Variants in PIERCE1 observed in about 807,000 individuals in gnomAD.
PIERCE1 encodes piercer of microtubule wall 1, also known as piercer of microtubule wall 1 protein.
chr9:135,495,624 G>A, the PIERCE1 span: 8 of 1,604,284 alleles, frequency 5.0e-6, no homozygotes, highest in East Asian at 1.8e-4. Flanking sequence ...TTCTATAAGA[G>A]ATAAAGGAAC....
the PIERCE1 span, chr9:135,499,852 T>G: frequency 1.3e-6 from 2 of 1,573,130 alleles, no homozygotes; most frequent in Admixed American, 1.9e-5. Flanking sequence ...CCTCAGCCAT[T>G]GTGCCTGGAG....
the PIERCE1 span, chr9:135,495,766 C>T: frequency 1.5e-6 from 1 of 675,586 alleles, no homozygotes; most frequent in Non-Finnish European, 2.5e-6. Flanking sequence ...CATCCTAATC[C>T]ATGCCCGATG....
At chr9:135,496,487 C>T in the PIERCE1 span, among the ~76,000 whole-genome samples, 2 of 152,236 alleles carry the variant, frequency 1.3e-5, no homozygotes, top group African/African-American at 4.8e-5. Flanking sequence ...CTGTGCCACG[C>T]ACATCACCTG....
At chr9:135,495,543 G>T in the PIERCE1 span, 1 of 1,614,176 alleles carries the variant, frequency 6.2e-7, no homozygotes. Context: ...TAAACATTGA[G>T]AGTATTGTTC....
the PIERCE1 span, among the ~76,000 whole-genome samples, chr9:135,495,784 C>T: frequency 5.9e-5 from 9 of 152,262 alleles, no homozygotes; most frequent in Admixed American, 5.2e-4. Context: ...ATGCCTGGCA[C>T]TTGCTGTTAA....
At chr9:135,498,588 C>A in the PIERCE1 span, 22 of 1,613,758 alleles carry the variant, frequency 1.4e-5, no homozygotes, top group Non-Finnish European at 1.9e-5. The surrounding 1 kb of genome is among the most constrained non-coding windows in gnomAD (Gnocchi z 4.1). Context: ...CACTTACAGG[C>A]ATCTCGTGCA....
the PIERCE1 span, chr9:135,499,577 A>C: frequency 8.1e-7 from 1 of 1,232,472 alleles, no homozygotes; most frequent in Non-Finnish European, 1.2e-6. Flanking sequence ...GGGCGATGAC[A>C]GCGCGGGCCC....
chr9:135,499,321 T>G, the PIERCE1 span: 1 of 439,302 alleles, frequency 2.3e-6, no homozygotes, highest in South Asian at 2.0e-5. Flanking sequence ...TTCTTACTAC[T>G]TCTTAGCCTG....
the PIERCE1 span, chr9:135,499,730 G>A: frequency 6.2e-6 from 10 of 1,608,166 alleles, no homozygotes; most frequent in East Asian, 2.2e-5. Context: ...GAACCACCCC[G>A]GGTTGTTGAA....
chr9:135,495,362 T>G, the PIERCE1 span: 2 of 1,426,362 alleles, frequency 1.4e-6, no homozygotes, highest in Non-Finnish European at 1.9e-6. Flanking sequence ...CTGTGGGTGA[T>G]GAGGGATGAT....
At chr9:135,495,683 G>A in the PIERCE1 span, 2 of 1,383,264 alleles carry the variant, frequency 1.4e-6, no homozygotes, top group South Asian at 2.7e-5. Context: ...GAATATTTTT[G>A]AAAGAAAAAT....
chr9:135,495,666 A>G, the PIERCE1 span: 7 of 1,437,590 alleles, frequency 4.9e-6, no homozygotes. Context: ...CTCTTGAGCA[A>G]TCCGTTGAAT....
the PIERCE1 span, among the ~76,000 whole-genome samples, chr9:135,496,079 C>T: frequency 1.4e-4 from 21 of 152,232 alleles, no homozygotes; most frequent in Non-Finnish European, 2.4e-4. Context: ...CTCTGGGAGG[C>T]TGAGGCAGGT....
At chr9:135,499,550 G>T in the PIERCE1 span, 1 of 1,000,274 alleles carries the variant, frequency 1.0e-6, no homozygotes, top group Non-Finnish European at 1.5e-6. Flanking sequence ...TAGGGAGCAC[G>T]GTCGCCGCTC....
chr9:135,498,033 G>A, the PIERCE1 span, among the ~76,000 whole-genome samples: 6 of 152,104 alleles, frequency 3.9e-5, no homozygotes, highest in African/African-American at 1.4e-4. This position sits in a 1 kb window ranked among gnomAD's most constrained non-coding sequence, Gnocchi z 4.1. Flanking sequence ...TTGGTGTGGG[G>A]AGGTTCTAGG....
At chr9:135,498,975 T>G in the PIERCE1 span, 4 of 349,996 alleles carry the variant, frequency 1.1e-5, no homozygotes, top group East Asian at 6.5e-5. The surrounding 1 kb of genome is among the most constrained non-coding windows in gnomAD (Gnocchi z 4.1). Context: ...ATGCTGCAAT[T>G]TCTGGGTAAC....
chr9:135,498,554 C>A, the PIERCE1 span: 1 of 1,604,678 alleles, frequency 6.2e-7, no homozygotes, highest in Non-Finnish European at 8.5e-7. This position sits in a 1 kb window ranked among gnomAD's most constrained non-coding sequence, Gnocchi z 4.1. Context: ...CCACCCCCTG[C>A]CCCCCATGCC....
At chr9:135,498,509 A>G in the PIERCE1 span, 1 of 1,274,408 alleles carries the variant, frequency 7.8e-7, no homozygotes, top group Non-Finnish European at 1.1e-6. This position sits in a 1 kb window ranked among gnomAD's most constrained non-coding sequence, Gnocchi z 4.1. Flanking sequence ...TGACCTGTTG[A>G]GAACCCCAGG....
the PIERCE1 span, among the ~76,000 whole-genome samples, chr9:135,499,262 T>C: frequency 5.0e-4 from 76 of 152,314 alleles, no homozygotes; most frequent in African/African-American, 1.7e-3. Flanking sequence ...AGGGACCAAA[T>C]GTGTGATGAG....
Sources: allele counts gnomAD v4.1 joint callset (sites outside exome capture counted in the v4.1 genomes callset), GRCh38; gene constraint gnomAD v4.1.1; non-coding constraint Gnocchi (gnomAD v3.1); transcripts MANE v1.5; gene names NCBI Gene and HGNC (gene_info 2026-07-23, HGNC 2026-07-21).